Variants in NXPE1 observed in about 807,000 individuals in gnomAD.
The protein encoded by NXPE1 is neurexophilin and PC-esterase domain family member 1.
Under a neutral mutation model 33.3 loss-of-function variants are expected in NXPE1, and 31 were observed. That is an observed-to-expected ratio of 0.93 (90% CI 0.70 to 1.26). The LOEUF is 1.26. NXPE1 is among the 50% of genes most tolerant of loss of function. The pLI is 0.00. For synonymous variants in NXPE1, 229 were observed against 231.4 expected (o/e 0.99, Z 0.09); for missense variants, 661 against 655.6 (o/e 1.01, Z -0.09).
Position 114,531,191 on chromosome 11 carries a change from A to AT in NXPE1, c.100-284dup, listed in dbSNP as rs370643272. On this transcript the variant is annotated intron_variant, in intron 5 of 8. Transcript: ENST00000534921. ...TGTAAACATTTATGCTTTTACCTCA[A>AT]TATTTTAGAGAATGTCTGAACAGTT... 5.3e-5 allele frequency among the ~76,000 whole-genome samples: 8 copies of AT among 152,248 alleles called. No individual in the cohort carries two copies. In the East Asian group the frequency reaches 9.6e-4, roughly 18 times the overall value.
At chr11:114,554,344 T>A in intron 1 of NXPE1, 1 of 985,108 alleles carries the variant, frequency 1.0e-6, no homozygotes. Context: ...TCTTCCTACT[T>A]GTGTAAATGA....
At chr11:114,530,716 C>T (rs769873176) in exon 6 of NXPE1, 1 of 1,614,152 alleles carries the variant, frequency 6.2e-7, no homozygotes, top group South Asian at 1.1e-5. Flanking sequence ...CTGTGTGTGG[C>T]ACTGGTGGTG....
downstream of NXPE1, among the ~76,000 whole-genome samples, chr11:114,521,464 C>T (rs1462954052): frequency 6.6e-6 from 1 of 152,160 alleles, no homozygotes; most frequent in East Asian, 1.9e-4. Context: ...TCTGGCATAA[C>T]AAGATGTCCA....
chr11:114,556,345 C>A (rs777937626), intron 1 of NXPE1, among the ~76,000 whole-genome samples: 2 of 152,168 alleles, frequency 1.3e-5, no homozygotes, highest in Non-Finnish European at 2.9e-5. Flanking sequence ...ACTTATTCAG[C>A]AGTTGTTCTG....
At chr11:114,551,035 T>C in intron 5 of NXPE1, 68 bp downstream of exon 5, 1 of 813,586 alleles carries the variant, frequency 1.2e-6, no homozygotes, top group Non-Finnish European at 2.0e-6. Flanking sequence ...GGAGTGGGAC[T>C]GACTTGAGGC....
intron 5 of NXPE1, among the ~76,000 whole-genome samples, chr11:114,534,662 A>C (rs1245308817): frequency 6.6e-6 from 1 of 152,238 alleles, no homozygotes; most frequent in African/African-American, 2.4e-5. Flanking sequence ...AACCGATGTG[A>C]TCAACTGGAA....
intron 5 of NXPE1, among the ~76,000 whole-genome samples, chr11:114,546,854 A>T (rs1230371013): frequency 1.3e-5 from 2 of 152,190 alleles, no homozygotes; most frequent in Non-Finnish European, 2.9e-5. Flanking sequence ...GAACCAATGG[A>T]AAGAGCTCTC....
chr11:114,522,943 G>T, exon 8 of NXPE1: 2 of 1,613,464 alleles, frequency 1.2e-6, no homozygotes, highest in South Asian at 1.1e-5. Context: ...GGAGGTAAAT[G>T]AGTTTGCCTT....
At chr11:114,525,103 G>A (rs1420372282) in intron 7 of NXPE1, among the ~76,000 whole-genome samples, 2 of 151,816 alleles carry the variant, frequency 1.3e-5, no homozygotes, top group African/African-American at 4.8e-5. Context: ...TAGATCTGGG[G>A]GTAATGGTGT....
chr11:114,531,852 GTGCT>G (rs1448964236), intron 5 of NXPE1, among the ~76,000 whole-genome samples: 2 of 152,046 alleles, frequency 1.3e-5, no homozygotes, highest in African/African-American at 4.8e-5. Context: ...GCACTATACG[GTGCT>G]TTATAAGCAC....
intron 5 of NXPE1, among the ~76,000 whole-genome samples, chr11:114,533,499 C>A (rs550733141): frequency 6.6e-6 from 1 of 152,166 alleles, no homozygotes; most frequent in Admixed American, 6.5e-5. Context: ...TCGCCTCACC[C>A]GGGAAGCACA....
exon 9 of NXPE1, chr11:114,521,771 T>C (rs1373824030): frequency 1.9e-6 from 1 of 532,140 alleles, no homozygotes; most frequent in Non-Finnish European, 3.3e-6. Context: ...AGGCATGGTA[T>C]AGTCATTCTT....
chr11:114,522,490 A>G, exon 9 of NXPE1: 1 of 1,597,822 alleles, frequency 6.3e-7, no homozygotes, highest in Non-Finnish European at 8.5e-7. Context: ...CATGAAGATC[A>G]AAAAACTTCA....
intron 7 of NXPE1, among the ~76,000 whole-genome samples, chr11:114,525,836 T>C (rs897912547): frequency 1.3e-5 from 2 of 152,224 alleles, no homozygotes; most frequent in Admixed American, 6.5e-5. Context: ...GCCCTGTCTT[T>C]GTTCGGGGCT....
At chr11:114,551,922 A>T (rs1220873435) in intron 3 of NXPE1, 52 bp downstream of exon 3, 1 of 152,214 alleles carries the variant, frequency 6.6e-6, no homozygotes, top group East Asian at 1.9e-4. Flanking sequence ...ATATGATTTA[A>T]ATAGCTTATT....
At chr11:114,528,403 T>C (rs1947447312) in intron 6 of NXPE1, among the ~76,000 whole-genome samples, 1 of 152,184 alleles carries the variant, frequency 6.6e-6, no homozygotes, top group Non-Finnish European at 1.5e-5. Context: ...GAATCCAGCC[T>C]TTTTGGGTGG....
rs539396912 is a variant in NXPE1, at chr11:114,527,813, A to C, written c.895+27T>G. 1.9e-5 allele frequency: 29 copies of C among 1,554,234 alleles called. 1 individual carries two copies. The South Asian group carries it at 2.7e-4, about 14-fold the overall frequency. On this transcript the variant is annotated intron_variant, in intron 7 of 8. Coordinates refer to ENST00000534921, the Ensembl canonical transcript of NXPE1. ...CTGATAAAAGTTTCCTCTGAGCATCACCTAACTCAGGACAGAGCCAACTTA... is the reference window on the plus strand; with the variant it reads ...CTGATAAAAGTTTCCTCTGAGCATCCCCTAACTCAGGACAGAGCCAACTTA...
At chr11:114,529,952 A>C (rs752236442) in intron 6 of NXPE1, 5 of 505,684 alleles carry the variant, frequency 9.9e-6, no homozygotes, top group Non-Finnish European at 1.7e-5. Context: ...CTGTGAACAC[A>C]TAGAAGAACG....
At position 114,558,181 on chromosome 11, in the gene NXPE1, C is replaced by T. The variant is rs533461022; in HGVS notation, c.-211+1617G>A. ...TTTATAATTATAAATATAAACTATA[C>T]ACACATCTATGTATATGTGTTTATG... On this transcript the variant is annotated intron_variant, in intron 1 of 8. Transcript: ENST00000534921. 2.0e-5 allele frequency among the ~76,000 whole-genome samples: 3 copies of T among 152,132 alleles called. No homozygotes were observed. The East Asian group carries it at 5.8e-4, about 29-fold the overall frequency.
Sources: gnomAD v4.1 joint callset for allele counts (sites outside exome capture counted in the v4.1 genomes callset) on GRCh38, gnomAD v4.1.1 for gene constraint, MANE v1.5 for transcripts, NCBI Gene and HGNC (gene_info 2026-07-23, HGNC 2026-07-21) for gene names.